ABCA12: variants seen among roughly 807,000 people sequenced by gnomAD.
ABCA12 encodes glucosylceramide transporter ABCA12.
In ABCA12, 156 loss-of-function variants were observed where a neutral mutation model predicts 293.5. That is an observed-to-expected ratio of 0.53 (90% confidence interval 0.47 to 0.61). ABCA12 has a LOEUF of 0.61. ABCA12 is among the 20% of genes least tolerant of loss of function. The pLI, the probability that ABCA12 is intolerant of heterozygous loss-of-function variation, is 0.00. For missense variants in ABCA12, 2,797 were observed against 3,090.2 expected (o/e 0.91, Z 2.25); for synonymous variants, 1,063 against 1,108.0 (o/e 0.96, Z 0.81).
At chr2:214,948,866 T>C in intron 46 of ABCA12, 129 bp from the exon 47 acceptor site, 1 of 1,261,044 alleles carries the variant, frequency 7.9e-7, no homozygotes, top group East Asian at 2.5e-5. Context: ...GATAAAATAA[T>C]CCCACTATCA....
chr2:215,098,051 C>A (rs997197935), intron 2 of ABCA12, among the ~76,000 whole-genome samples: 3 of 152,132 alleles, frequency 2.0e-5, no homozygotes, highest in Non-Finnish European at 4.4e-5. Flanking sequence ...CAAGTTTTCA[C>A]AGGAGTTAGG....
chr2:215,124,476 C>T (rs1400915251), intron 1 of ABCA12, among the ~76,000 whole-genome samples: 1 of 151,452 alleles, frequency 6.6e-6, no homozygotes, highest in African/African-American at 2.4e-5. Flanking sequence ...AATGTCTACT[C>T]TTTTTTGATT....
chr2:215,067,462 AG>A (rs1352931890), intron 2 of ABCA12, among the ~76,000 whole-genome samples: 1 of 152,150 alleles, frequency 6.6e-6, no homozygotes, highest in Non-Finnish European at 1.5e-5. Context: ...AATCTCAGGC[AG>A]GGTTTTGAGA....
intron 9 of ABCA12, among the ~76,000 whole-genome samples, chr2:215,027,602 C>A (rs563901844): frequency 6.6e-6 from 1 of 152,166 alleles, no homozygotes; most frequent in African/African-American, 2.4e-5. Context: ...AAAGTTGAAT[C>A]CTAGATAAAC....
At chr2:214,993,822 T>C (rs1699977909) in intron 23 of ABCA12, among the ~76,000 whole-genome samples, 1 of 152,134 alleles carries the variant, frequency 6.6e-6, no homozygotes, top group Non-Finnish European at 1.5e-5. Flanking sequence ...TAGAAATCAC[T>C]TATATATTGA....
At position 215,119,735 on chromosome 2, in the gene ABCA12, A is replaced by G. The variant is rs963506981; in HGVS notation, c.70-8045T>C. Among the ~76,000 whole-genome samples the G allele has an allele frequency of 7.3e-3, 791 of 108,048 alleles. 8 individuals carry two copies. Among genetic ancestry groups the G allele is most frequent in the African/African-American group, 0.053 (745 of 14,184 alleles). 70.9% of individuals were successfully genotyped at this position (108,048 alleles called of 152,430 possible). A position where few individuals can be genotyped will look rare whatever the true frequency, so the allele number is the denominator to read the frequency against. On this transcript the variant is annotated intron_variant, in intron 1 of 52. Transcript: ENST00000272895. ...GTCAGAATGGCCATCATTAAAAAGT[A>G]AAAAAAAAAAAAAAAAATGAAAACA...
Position 215,025,422 on chromosome 2 carries a change from A to G in ABCA12, c.1287+251T>C, listed in dbSNP as rs532240457. The G allele has an allele frequency of 2.3e-5, 10 of 434,432 alleles. No homozygotes were observed. The South Asian group carries it at 2.4e-4, about 10-fold the overall frequency. The allele number at this position is 434,432 out of a possible 1,614,324, so 26.9% of individuals were successfully genotyped here. A position where few individuals can be genotyped will look rare whatever the true frequency, so the allele number is the denominator to read the frequency against. The stretch of plus-strand genomic sequence containing the variant: ...TGATTCTTCCCACCTCGGCCTCCTG[A>G]GTAGCTGGAATTACAGGCATGAGCC... On this transcript the variant is annotated intron_variant, in intron 11 of 52. Transcript: ENST00000272895.
At chr2:214,972,370 G>A (rs1347719239) in intron 36 of ABCA12, among the ~76,000 whole-genome samples, 1 of 151,950 alleles carries the variant, frequency 6.6e-6, no homozygotes, top group Non-Finnish European at 1.5e-5. Flanking sequence ...TGACAAAATT[G>A]GTTGGAAAAA....
At chr2:215,137,526 A>G (rs1703256128) in intron 1 of ABCA12, among the ~76,000 whole-genome samples, 1 of 152,222 alleles carries the variant, frequency 6.6e-6, no homozygotes, top group Non-Finnish European at 1.5e-5. Context: ...AAGACGTTGC[A>G]ATGAGCAAGA....
chr2:215,051,677 G>A (rs1225537735), intron 5 of ABCA12, among the ~76,000 whole-genome samples: 1 of 143,246 alleles, frequency 7.0e-6, no homozygotes, highest in African/African-American at 2.5e-5. Flanking sequence ...GAGAAGAAAG[G>A]TGAGTGGGAG....
At chr2:214,974,537 A>G (rs982424012) in intron 35 of ABCA12, among the ~76,000 whole-genome samples, 5 of 152,238 alleles carry the variant, frequency 3.3e-5, no homozygotes, top group Non-Finnish European at 7.3e-5. Context: ...GATTGTGATA[A>G]TTAAATGAAA....
intron 2 of ABCA12, among the ~76,000 whole-genome samples, chr2:215,065,373 G>GT (rs1701622300): frequency 7.4e-6 from 1 of 135,860 alleles, no homozygotes; most frequent in Non-Finnish European, 1.6e-5. Flanking sequence ...AAGGAGAAAA[G>GT]TAAAAAAAGA....
intron 1 of ABCA12, among the ~76,000 whole-genome samples, chr2:215,123,542 T>G (rs1048437240): frequency 6.6e-6 from 1 of 152,154 alleles, no homozygotes; most frequent in African/African-American, 2.4e-5. Flanking sequence ...CTATTGTAAG[T>G]AGTGCTGCAA....
chr2:214,956,624 T>G (rs963734931), intron 42 of ABCA12, 39 bp downstream of exon 42: 1 of 1,439,680 alleles, frequency 6.9e-7, no homozygotes, highest in Non-Finnish European at 9.8e-7. Context: ...GGCATTTAAT[T>G]CTATTAATTC....
At chr2:215,107,152 C>T (rs1381258972) in intron 2 of ABCA12, among the ~76,000 whole-genome samples, 1 of 152,020 alleles carries the variant, frequency 6.6e-6, no homozygotes, top group Non-Finnish European at 1.5e-5. Flanking sequence ...TTATCTCATT[C>T]TGTCAGGGTT....
At position 215,010,311 on chromosome 2, in the gene ABCA12, C is replaced by T; in HGVS notation, c.2472+20G>A. 11 of 1,613,196 alleles carry T rather than the reference C, an allele frequency of 6.8e-6. No individual in the cohort carries two copies. The highest frequency in any genetic ancestry group is 9.3e-6 in the Non-Finnish European group (11 of 1,179,322). The stretch of plus-strand genomic sequence containing the variant: ...AACATCTTAATAGTCAAAATAGAAA[C>T]TGAGTTATAATGGTCAAACCTTTTC... On this transcript the variant is annotated intron_variant, in intron 18 of 52. Coordinates refer to ENST00000272895, the MANE Select transcript of ABCA12 (RefSeq NM_173076.3).
intron 30 of ABCA12, among the ~76,000 whole-genome samples, chr2:214,981,569 AC>A (rs2105965288): frequency 6.6e-6 from 1 of 152,334 alleles, no homozygotes; most frequent in Non-Finnish European, 1.5e-5. Context: ...AGCGGGCAGT[AC>A]ATAGATATTA....
At chr2:214,987,968 T>C (rs747152723) in intron 26 of ABCA12, among the ~76,000 whole-genome samples, 175 bp from the exon 27 acceptor site, 9 of 152,232 alleles carry the variant, frequency 5.9e-5, no homozygotes, top group Admixed American at 5.2e-4. Context: ...ATGCTTTTTT[T>C]CCTTGTTAGT....
chr2:214,942,910 G>T lies in ABCA12; in HGVS notation c.7436+15C>A. On this transcript the variant is annotated intron_variant, in intron 50 of 52. Transcript: ENST00000272895. ...GACCCAACACTATCTGTTAAGCAAT[G>T]CATTTGTTCTTCACCTGCTCTTTAT... 6.2e-7 allele frequency: 1 copy of T among 1,606,912 alleles called. No individual in the cohort carries two copies. The highest frequency in any genetic ancestry group is 8.5e-7 in the Non-Finnish European group (1 of 1,174,328).
Sources: gnomAD v4.1 joint callset for allele counts (sites outside exome capture counted in the v4.1 genomes callset) on GRCh38, gnomAD v4.1.1 for gene constraint, MANE v1.5 for transcripts, NCBI Gene and HGNC (gene_info 2026-07-23, HGNC 2026-07-21) for gene names.